Variants in C1QTNF1 observed in about 807,000 individuals in gnomAD.
C1QTNF1 encodes C1q and TNF related 1.
C1QTNF1 carries 22 observed loss-of-function variants against 27.8 expected under a neutral mutation model. The ratio of observed to expected loss-of-function variants is 0.79; its 90% CI spans 0.56 to 1.13. The LOEUF (loss-of-function observed/expected upper bound fraction) is 1.13, where lower values mean the gene tolerates loss of function less well. C1QTNF1 is among the 50% of genes most tolerant of loss of function. C1QTNF1 has a pLI of 0.00. For synonymous variants in C1QTNF1, 166 were observed against 154.3 expected (o/e 1.08, Z -0.56); for missense variants, 373 against 380.2 (o/e 0.98, Z 0.16).
intron 1 of C1QTNF1, among the ~76,000 whole-genome samples, chr17:79,025,321 A>T (rs117361747): frequency 0.075 from 11,353 of 152,080 alleles, 510 homozygotes; most frequent in Middle Eastern, 0.14. Context: ...AGAAAGCCAG[A>T]TTATCTTCTC....
intron 1 of C1QTNF1, among the ~76,000 whole-genome samples, chr17:79,041,290 C>T (rs1032774331): frequency 1.5e-4 from 22 of 151,584 alleles, no homozygotes; most frequent in South Asian, 8.3e-4. Flanking sequence ...AGAGATGGGG[C>T]GTGGGCCATG....
chr17:79,039,657 T>A (rs1329076034), intron 1 of C1QTNF1, among the ~76,000 whole-genome samples: 1 of 150,066 alleles, frequency 6.7e-6, no homozygotes, highest in East Asian at 2.0e-4. Context: ...TGTCTCAAAA[T>A]AAAATAAAAC....
intron 2 of C1QTNF1, among the ~76,000 whole-genome samples, chr17:79,044,356 C>T (rs1018303219): frequency 5.3e-5 from 8 of 152,320 alleles, no homozygotes; most frequent in Admixed American, 3.9e-4. Context: ...CACCACGAGC[C>T]TAAAGGAGTG....
intron 1 of C1QTNF1, among the ~76,000 whole-genome samples, chr17:79,030,401 T>C (rs1386693858): frequency 1.3e-5 from 2 of 152,152 alleles, no homozygotes; most frequent in Admixed American, 6.5e-5. Flanking sequence ...GTTTTCATTC[T>C]GCATTTTCAA....
chr17:79,042,335 CT>C (rs2145919865), intron 1 of C1QTNF1, among the ~76,000 whole-genome samples: 1 of 152,386 alleles, frequency 6.6e-6, no homozygotes, highest in Non-Finnish European at 1.5e-5. Context: ...AGTGCCGCCC[CT>C]CGCGGGCTCC....
At position 79,025,712 on chromosome 17, in the gene C1QTNF1, G is replaced by A. The variant is rs539232360; in HGVS notation, c.-15+1218G>A. 52 of 195,558 alleles carry A rather than the reference G, an allele frequency of 2.7e-4. No homozygotes were observed. The East Asian group carries it at 3.3e-3, about 12-fold the overall frequency. 12.1% of individuals were successfully genotyped at this position (195,558 alleles called of 1,614,324 possible). A position where few individuals can be genotyped will look rare whatever the true frequency, so the allele number is the denominator to read the frequency against. ...AGGGAGCGGGAGGACATGGGAGGAC[G>A]TGCTCCAGGAGGCCTCTCCAGCACC... is the stretch of plus-strand genomic sequence containing the variant. On this transcript the variant is annotated intron_variant, in intron 1 of 3. Coordinates refer to ENST00000579760, the MANE Select transcript of C1QTNF1 (RefSeq NM_030968.5).
chr17:79,030,806 G>C (rs2072120852), intron 1 of C1QTNF1, among the ~76,000 whole-genome samples: 1 of 151,048 alleles, frequency 6.6e-6, no homozygotes, highest in South Asian at 2.1e-4. Flanking sequence ...TTACCATGTT[G>C]GTCAGGATGA....
chr17:79,043,621 G>A (rs2072481843), intron 1 of C1QTNF1: 2 of 474,910 alleles, frequency 4.2e-6, no homozygotes, highest in African/African-American at 2.0e-5. Context: ...GGGTGCATGT[G>A]AATGTGTGGG....
In C1QTNF1 at chr17:79,046,687, C is replaced by T. The variant is rs537727380; in HGVS notation, c.288C>T (p.Ile96=). The stretch of plus-strand genomic sequence containing the variant: ...CCGTGCCCCAGATCAACATCACTAT[C>T]TTGAAAGGTCAGATGGCTGCAAAGA... ...ATAVPQINIT[I]LKGEKGDRGD... The change falls in exon 3 of 4, where the codon ATC becomes ATT. Residue 96 remains isoleucine, a synonymous_variant. Transcript: ENST00000579760. This position sits in a 1 kb window ranked among gnomAD's most constrained non-coding sequence, Gnocchi z 4.8. 6.2e-7 allele frequency: 1 copy of T among 1,614,188 alleles called. No homozygotes were observed. Among genetic ancestry groups the T allele is most frequent in the East Asian group, 2.2e-5 (1 of 44,880 alleles).
intron 1 of C1QTNF1, among the ~76,000 whole-genome samples, chr17:79,037,483 C>T (rs1035417436): frequency 6.6e-6 from 1 of 151,798 alleles, no homozygotes; most frequent in African/African-American, 2.4e-5. Flanking sequence ...AGGCTGGTCT[C>T]GAACCCCTGA....
At chr17:79,047,508 T>C (rs778064981) in intron 3 of C1QTNF1, 30 bp from the exon 4 acceptor site, 12 of 1,516,176 alleles carry the variant, frequency 7.9e-6, no homozygotes, top group Non-Finnish European at 1.1e-5. Context: ...ATTGCTCCAT[T>C]AACAGCACGC....
chr17:79,043,462 AAG>A (rs2072475870), intron 1 of C1QTNF1: 1 of 450,526 alleles, frequency 2.2e-6, no homozygotes, highest in South Asian at 1.6e-5. Context: ...CATGTGTGTT[AAG>A]AGTGTGCATA....
In C1QTNF1 at chr17:79,030,318, T is replaced by TG. The variant is rs199671584; in HGVS notation, c.-15+5824_-15+5825insG. On this transcript the variant is annotated intron_variant, in intron 1 of 3. Transcript: ENST00000579760. Reference sequence around the variant, plus strand: ...TGGGTGGCCTTTGGGTCTTTGTGGTTTTGTGTGTGTGTGTGTGTGTGTGTG... The same window carrying TG: ...TGGGTGGCCTTTGGGTCTTTGTGGTTGTTGTGTGTGTGTGTGTGTGTGTGTG... Among the ~76,000 whole-genome samples the TG allele has an allele frequency of 8.9e-3, 1,270 of 142,216 alleles. 39 individuals carry two copies. In the East Asian group the frequency reaches 0.12, roughly 13 times the overall value. 93.3% of individuals were successfully genotyped at this position (142,216 alleles called of 152,430 possible). A position where few individuals can be genotyped will look rare whatever the true frequency, so the allele number is the denominator to read the frequency against.
In C1QTNF1 at chr17:79,046,421, A is replaced by C; in HGVS notation, c.156-134A>C. 7.9e-7 allele frequency: 1 copy of C among 1,264,066 alleles called. No individual in the cohort carries two copies. The highest frequency in any genetic ancestry group is 1.1e-6 in the Non-Finnish European group (1 of 895,416). 78.3% of individuals were successfully genotyped at this position (1,264,066 alleles called of 1,614,324 possible). On this transcript the variant is annotated intron_variant, in intron 2 of 3. Coordinates refer to ENST00000579760, the MANE Select transcript of C1QTNF1 (RefSeq NM_030968.5). This position sits in a 1 kb window ranked among gnomAD's most constrained non-coding sequence, Gnocchi z 4.8. ...GTGGGCCGTGAGCCCACCAGCGTGAACACAGAGCCTTGTGGGTCCAGGTGA... is the reference window on the plus strand; with the variant it reads ...GTGGGCCGTGAGCCCACCAGCGTGACCACAGAGCCTTGTGGGTCCAGGTGA...
chr17:79,043,622 A>G, intron 1 of C1QTNF1: 1 of 471,916 alleles, frequency 2.1e-6, no homozygotes, highest in East Asian at 6.1e-5. Flanking sequence ...GGTGCATGTG[A>G]ATGTGTGGGT....
chr17:79,036,228 G>A (rs772028057), intron 1 of C1QTNF1, among the ~76,000 whole-genome samples: 5 of 152,306 alleles, frequency 3.3e-5, no homozygotes, highest in East Asian at 1.9e-4. Context: ...AGGCTAGGGC[G>A]CAGTGGTGCA....
intron 2 of C1QTNF1, among the ~76,000 whole-genome samples, chr17:79,044,963 C>T (rs538965025): frequency 1.3e-5 from 2 of 152,340 alleles, no homozygotes; most frequent in East Asian, 3.9e-4. Flanking sequence ...GTCAGGCCAT[C>T]CCCCAGGCAC....
Position 79,047,583 on chromosome 17 carries a change from GC to G in C1QTNF1, c.342del (p.Thr116GlnfsTer50). On this transcript the variant is annotated frameshift_variant, in exon 4 of 4. Transcript: ENST00000579760. LOFTEE classifies it high-confidence loss of function. ...GATCGAGGCCTCCAAGGGAAATATGGCAAAACAGGCTCAGCAGGGGCCAGGG... is the reference window on the plus strand; with the variant it reads ...GATCGAGGCCTCCAAGGGAAATATGGAAAACAGGCTCAGCAGGGGCCAGGG... ...RGDRGLQGKY[G>X]KTGSAGARGH... The G allele has an allele frequency of 6.5e-7, 1 of 1,540,262 alleles. No individual in the cohort carries two copies. Among genetic ancestry groups the G allele is most frequent in the South Asian group, 1.3e-5 (1 of 78,858 alleles).
intron 2 of C1QTNF1, among the ~76,000 whole-genome samples, chr17:79,045,427 G>C (rs933724695): frequency 2.6e-5 from 4 of 152,180 alleles, no homozygotes; most frequent in Non-Finnish European, 5.9e-5. Context: ...CGGTGTTCTC[G>C]GAAGAATGCC....
Sources: gnomAD v4.1 joint callset for allele counts (sites outside exome capture counted in the v4.1 genomes callset) on GRCh38, gnomAD v4.1.1 for gene constraint, Gnocchi (gnomAD v3.1) non-coding constraint, MANE v1.5 for transcripts, NCBI Gene and HGNC (gene_info 2026-07-23, HGNC 2026-07-21) for gene names.